The following GALNT13 variants were observed in gnomAD, a reference collection of about 807,000 sequenced individuals.
GALNT13 encodes the protein polypeptide N-acetylgalactosaminyltransferase 13, also known as UDP-GalNAc:polypeptide N-acetylgalactosaminyltransferase 13.
A neutral mutation model predicts 64.2 loss-of-function variants in GALNT13; 28 were observed. The observed-to-expected ratio is 0.44, with a 90% CI of 0.32 to 0.60. The LOEUF (loss-of-function observed/expected upper bound fraction) is 0.60. Among genes scored for constraint, GALNT13 ranks in the 20% least tolerant of loss-of-function variants. The pLI, the probability that GALNT13 is intolerant of heterozygous loss-of-function variation, is 0.05. For missense variants in GALNT13, 577 were observed against 669.8 expected, an observed-to-expected ratio of 0.86 and a Z score of 1.53; for synonymous variants, 214 against 224.6, an observed-to-expected ratio of 0.95 and a Z score of 0.42.
At chr2:154,149,345 T>C (rs1469567085) in intron 4 of GALNT13, among the ~76,000 whole-genome samples, 4 of 152,210 alleles carry the variant, frequency 2.6e-5, no homozygotes, top group Admixed American at 2.6e-4. Context: ...GTAGTATAGT[T>C]TGAAGTCAGG....
At chr2:153,858,759 G>A in the GALNT13 span, among the ~76,000 whole-genome samples, 1 of 151,910 alleles carries the variant, frequency 6.6e-6, no homozygotes, top group Non-Finnish European at 1.5e-5. Context: ...TTGAGACACA[G>A]CCTCGCTTTG....
chr2:154,306,714 G>A (rs1349987294), intron 9 of GALNT13, among the ~76,000 whole-genome samples: 1 of 151,918 alleles, frequency 6.6e-6, no homozygotes. Context: ...GTTCCTGGGT[G>A]GGATCACAGA....
chr2:154,298,587 T>A (rs369821145), intron 8 of GALNT13, among the ~76,000 whole-genome samples: 294 of 6,222 alleles, frequency 0.047, 45 homozygotes, highest in African/African-American at 0.11. Context: ...GTATATATAA[T>A]TTATATATAC....
chr2:154,215,739 C>G (rs1019275611), intron 4 of GALNT13, among the ~76,000 whole-genome samples: 2 of 151,952 alleles, frequency 1.3e-5, no homozygotes, highest in Non-Finnish European at 2.9e-5. Context: ...CAGCTCTTAC[C>G]AGATCATTTG....
chr2:153,431,137 G>C, the GALNT13 span, among the ~76,000 whole-genome samples: 1 of 147,506 alleles, frequency 6.8e-6, no homozygotes, highest in Admixed American at 6.8e-5. Context: ...GCAACAGAGA[G>C]AGACTCTGTC....
At chr2:153,229,225 C>T in the GALNT13 span, among the ~76,000 whole-genome samples, 1 of 152,142 alleles carries the variant, frequency 6.6e-6, no homozygotes, top group Non-Finnish European at 1.5e-5. Context: ...TGTCATCACT[C>T]TCTCACCTTT....
intron 9 of GALNT13, among the ~76,000 whole-genome samples, chr2:154,339,052 C>A (rs1695611572): frequency 6.6e-6 from 1 of 152,094 alleles, no homozygotes; most frequent in Non-Finnish European, 1.5e-5. Flanking sequence ...TGTAAAAATT[C>A]TTTATTAACT....
chr2:153,325,447 G>A, the GALNT13 span, among the ~76,000 whole-genome samples: 1 of 151,556 alleles, frequency 6.6e-6, no homozygotes, highest in Non-Finnish European at 1.5e-5. Flanking sequence ...CAAAAAAACA[G>A]CTCCTGGATT....
intron 3 of GALNT13, among the ~76,000 whole-genome samples, chr2:154,097,979 A>G (rs188088192): frequency 0.031 from 4,749 of 152,072 alleles, 159 homozygotes; most frequent in South Asian, 0.12. Context: ...AGGGAGTCAC[A>G]GCTAGTCAGT....
chr2:153,175,260 C>A, the GALNT13 span, among the ~76,000 whole-genome samples: 1 of 152,094 alleles, frequency 6.6e-6, no homozygotes, highest in Non-Finnish European at 1.5e-5. Flanking sequence ...TATCTTCTGT[C>A]CCTAAACTTT....
the GALNT13 span, among the ~76,000 whole-genome samples, chr2:153,722,485 C>A: frequency 0.51 from 74,340 of 145,822 alleles, 22,605 homozygotes; most frequent in Non-Finnish European, 0.67. Flanking sequence ...AATAGAGACA[C>A]AAAAAACCCT....
the GALNT13 span, among the ~76,000 whole-genome samples, chr2:153,462,705 T>C: frequency 6.6e-6 from 1 of 152,154 alleles, no homozygotes; most frequent in Non-Finnish European, 1.5e-5. Flanking sequence ...AGCCATACTA[T>C]GCAGCCTCCA....
In GALNT13 at chr2:154,338,156, A is replaced by G. The variant is rs1219602408; in HGVS notation, c.1156+36567A>G. 3.3e-5 allele frequency among the ~76,000 whole-genome samples: 5 copies of G among 152,078 alleles called. No homozygotes were observed. The South Asian group carries it at 8.3e-4, about 25-fold the overall frequency. On this transcript the variant is annotated intron_variant, in intron 9 of 12. Coordinates refer to ENST00000392825, the MANE Select transcript of GALNT13 (RefSeq NM_052917.4). ...AATTTGCATGATCAACTTTCACATA[A>G]TATATTTTTAACAGCACACTATTCC...
chr2:153,756,236 T>A, the GALNT13 span, among the ~76,000 whole-genome samples: 6 of 152,108 alleles, frequency 3.9e-5, no homozygotes. Flanking sequence ...CAATTTAATA[T>A]CTTTTGTGGA....
chr2:153,162,688 A>G, the GALNT13 span, among the ~76,000 whole-genome samples: 1 of 152,210 alleles, frequency 6.6e-6, no homozygotes, highest in Non-Finnish European at 1.5e-5. Context: ...TATTTATATG[A>G]CGATGCCATT....
chr2:153,742,311 G>A, the GALNT13 span, among the ~76,000 whole-genome samples: 30 of 152,064 alleles, frequency 2.0e-4, no homozygotes, highest in African/African-American at 6.3e-4. Context: ...CAATAAATTC[G>A]TAAATTTTTT....
the GALNT13 span, among the ~76,000 whole-genome samples, chr2:153,454,269 GTA>G: frequency 2.7e-5 from 4 of 150,920 alleles, no homozygotes; most frequent in Non-Finnish European, 4.4e-5. Flanking sequence ...TTGAAATTAT[GTA>G]TATATATATA....
In GALNT13 at chr2:154,368,791, T is replaced by C. The variant is rs184939822; in HGVS notation, c.1157-27200T>C. 3.9e-5 allele frequency among the ~76,000 whole-genome samples: 6 copies of C among 152,308 alleles called. No individual in the cohort carries two copies. The East Asian group carries it at 1.2e-3, about 29-fold the overall frequency. ...AATGTTGGCTATTGTAATTATTACC[T>C]TAGTATGACATCCTCCCGAATTCTT... On this transcript the variant is annotated intron_variant, in intron 9 of 12. Transcript: ENST00000392825.
the GALNT13 span, among the ~76,000 whole-genome samples, chr2:153,231,240 T>C: frequency 5.9e-5 from 9 of 152,180 alleles, no homozygotes; most frequent in Non-Finnish European, 1.0e-4. Context: ...TCTCGAGTTT[T>C]CAAATGAGAA....
Sources: allele counts gnomAD v4.1 joint callset (sites outside exome capture counted in the v4.1 genomes callset), GRCh38; gene constraint gnomAD v4.1.1; transcripts MANE v1.5; gene names NCBI Gene and HGNC (gene_info 2026-07-23, HGNC 2026-07-21).